The following GPR89B variants were observed in gnomAD, a reference collection of about 807,000 sequenced individuals.
GPR89B encodes golgi pH regulator B.
In GPR89B, 25 loss-of-function variants were observed where a neutral mutation model predicts 52.4. The ratio of observed to expected loss-of-function variants is 0.48; its 90% CI spans 0.35 to 0.67. The LOEUF (loss-of-function observed/expected upper bound fraction) is 0.67. Ranked by LOEUF, GPR89B falls within the 30% of genes least tolerant of loss-of-function variation. GPR89B has a pLI of 0.01. For synonymous variants in GPR89B, 52 were observed against 151.2 expected, an observed-to-expected ratio of 0.34 and a Z score of 4.81; for missense variants, 146 against 450.2, an observed-to-expected ratio of 0.32 and a Z score of 6.11.
In GPR89B at chr1:147,969,910, A is replaced by T; in HGVS notation, c.860A>T (p.Asn287Ile). The T allele has an allele frequency of 6.7e-7, 1 of 1,494,648 alleles. No individual in the cohort carries two copies. The highest frequency in any genetic ancestry group is 8.9e-7 in the Non-Finnish European group (1 of 1,118,858). 92.6% of individuals were successfully genotyped at this position (1,494,648 alleles called of 1,614,324 possible). The change falls in exon 10 of 14, where the codon AAT (asparagine) becomes ATT (isoleucine). Residue 287 changes from asparagine (N) to isoleucine (I), a missense_variant. Transcript: ENST00000314163. Reference protein sequence around the residue: ...YSKTFKGKYFNFLGYFFSIYC... With the variant: ...YSKTFKGKYFIFLGYFFSIYC... The stretch of plus-strand genomic sequence containing the variant: ...AAAACCTTCAAGGGGAAATATTTTA[A>T]TTTTCTTGGTTACTTTTTCTCTATT...
chr1:147,936,048 C>T (rs1553247820), intron 1 of GPR89B, among the ~76,000 whole-genome samples: 2 of 152,220 alleles, frequency 1.3e-5, no homozygotes. Context: ...GACCTAGTCT[C>T]ACTCTATCAC....
chr1:147,933,300 A>G (rs1263193796), intron 1 of GPR89B, among the ~76,000 whole-genome samples: 1 of 151,752 alleles, frequency 6.6e-6, no homozygotes, highest in East Asian at 1.9e-4. Context: ...GCTCCCATTC[A>G]TTCTGACCTG....
chr1:147,952,752 G>A (rs1253377334), intron 5 of GPR89B, among the ~76,000 whole-genome samples: 3 of 151,574 alleles, frequency 2.0e-5, no homozygotes, highest in African/African-American at 4.9e-5. Flanking sequence ...GCATTCTCAC[G>A]TGATATGAAA....
intron 10 of GPR89B, among the ~76,000 whole-genome samples, chr1:147,981,591 A>G (rs1377082455): frequency 6.6e-6 from 1 of 150,872 alleles, no homozygotes; most frequent in African/African-American, 2.5e-5. Context: ...GTTGATGTAC[A>G]TTAGGATTGT....
intron 1 of GPR89B, among the ~76,000 whole-genome samples, chr1:147,933,240 A>T (rs1298118213): frequency 4.0e-5 from 6 of 149,566 alleles, no homozygotes; most frequent in African/African-American, 1.5e-4. Flanking sequence ...TTTTTTTCTC[A>T]TTCCTGGCTC....
chr1:148,010,337 A>C, the GPR89B span: 1 of 152,226 alleles, frequency 6.6e-6, no homozygotes, highest in Non-Finnish European at 1.5e-5. Context: ...CAAAAGACGC[A>C]TCTGAGGAGA....
At chr1:147,956,901 C>G (rs1488436925) in intron 7 of GPR89B, among the ~76,000 whole-genome samples, 1 of 151,812 alleles carries the variant, frequency 6.6e-6, no homozygotes, top group Non-Finnish European at 1.5e-5. Context: ...CCACACCCAG[C>G]TTATTTTTGT....
chr1:147,997,478 C>T, downstream of GPR89B, among the ~76,000 whole-genome samples: 1 of 152,036 alleles, frequency 6.6e-6, no homozygotes, highest in Non-Finnish European at 1.5e-5. Flanking sequence ...CCGCAGCCCC[C>T]CAGATTCTCA....
chr1:148,011,953 C>A, the GPR89B span: 2 of 152,236 alleles, frequency 1.3e-5, no homozygotes, highest in Non-Finnish European at 2.9e-5. Flanking sequence ...TAATTTTCAT[C>A]CAAAAATCTT....
chr1:147,964,014 C>T lies in GPR89B; in HGVS notation c.618-2540C>T, dbSNP rs1338523477. Among the ~76,000 whole-genome samples the T allele has an allele frequency of 5.3e-4, 81 of 151,836 alleles. 1 individual carries two copies. Among genetic ancestry groups the T allele is most frequent in the African/African-American group, 1.4e-3 (59 of 41,268 alleles). On this transcript the variant is annotated intron_variant, in intron 7 of 13. Transcript: ENST00000314163. ...AAATGGAGAACAGATTCGTGGTTGC[C>T]GGAATTAAGGAATTGGAGGTGGGAG...
chr1:147,970,061 T>A, intron 10 of GPR89B, 102 bp downstream of exon 10: 1 of 804,140 alleles, frequency 1.2e-6, no homozygotes, highest in Admixed American at 3.0e-5. Flanking sequence ...AAATTCCAAA[T>A]GTGATTGCAT....
At chr1:147,938,258 T>C (rs1266556462) in intron 2 of GPR89B, among the ~76,000 whole-genome samples, 2 of 152,158 alleles carry the variant, frequency 1.3e-5, no homozygotes, top group Non-Finnish European at 2.9e-5. Context: ...TCCATTAAAC[T>C]TTCCCAGGGA....
the GPR89B span, among the ~76,000 whole-genome samples, chr1:148,022,934 G>A: frequency 7.2e-5 from 11 of 152,028 alleles, no homozygotes; most frequent in East Asian, 3.9e-4. Context: ...TTTCTGTGCA[G>A]TAATTTTTTT....
intron 1 of GPR89B, among the ~76,000 whole-genome samples, chr1:147,931,661 G>A (rs1461244561): frequency 6.6e-6 from 1 of 151,192 alleles, no homozygotes; most frequent in African/African-American, 2.4e-5. Context: ...TGAGGTTTGG[G>A]GTACAAATGA....
At chr1:148,018,540 A>G in the GPR89B span, among the ~76,000 whole-genome samples, 1 of 151,562 alleles carries the variant, frequency 6.6e-6, no homozygotes, top group Non-Finnish European at 1.5e-5. Flanking sequence ...ATCATCTCCA[A>G]CATAACACTA....
the GPR89B span, among the ~76,000 whole-genome samples, chr1:148,021,378 T>C: frequency 6.6e-6 from 1 of 151,880 alleles, no homozygotes; most frequent in East Asian, 1.9e-4. Flanking sequence ...GGCTGGCACC[T>C]GTAATCCCAG....
chr1:148,010,705 A>G, the GPR89B span: 2 of 152,290 alleles, frequency 1.3e-5, no homozygotes, highest in African/African-American at 4.8e-5. Context: ...CAAAAAGATT[A>G]CATCATCAGT....
chr1:147,957,652 G>T (rs1268831228), intron 7 of GPR89B, among the ~76,000 whole-genome samples: 11 of 151,678 alleles, frequency 7.3e-5, no homozygotes, highest in African/African-American at 2.7e-4. Context: ...TTACCCATAA[G>T]TAAATGGTAA....
chr1:148,011,679 CA>C, the GPR89B span: 2 of 152,226 alleles, frequency 1.3e-5, no homozygotes, highest in Non-Finnish European at 2.9e-5. Context: ...TATGCCCAGA[CA>C]CCCTGAACCC....
Sources: gnomAD v4.1 joint callset for allele counts (sites outside exome capture counted in the v4.1 genomes callset) on GRCh38, gnomAD v4.1.1 for gene constraint, MANE v1.5 for transcripts, NCBI Gene and HGNC (gene_info 2026-07-23, HGNC 2026-07-21) for gene names.